The following CLCN7 variants were observed in gnomAD, a reference collection of about 807,000 sequenced individuals.
The protein encoded by CLCN7 is Cl-/H+ antiporter 7, also known as H(+)/Cl(-) exchange transporter 7.
In CLCN7, 60 loss-of-function variants were observed where a neutral mutation model predicts 102.1. That is an observed-to-expected ratio of 0.59 (90% CI 0.48 to 0.73). The LOEUF is 0.73. Ranked by LOEUF, CLCN7 falls within the 30% of genes least tolerant of loss-of-function variation. The pLI is 0.00. For missense variants in CLCN7, 962 were observed against 1,125.7 expected, an observed-to-expected ratio of 0.85 and a Z score of 2.08; for synonymous variants, 560 against 490.5, an observed-to-expected ratio of 1.14 and a Z score of -1.87.
chr16:1,461,721 A>G (rs2038941098), intron 2 of CLCN7, 47 bp from the exon 3 acceptor site: 2 of 1,495,912 alleles, frequency 1.3e-6, no homozygotes, highest in Admixed American at 1.7e-5. Context: ...ACAAGGCCAC[A>G]AGGAGAGAGG....
intron 12 of CLCN7, 85 bp from the exon 13 acceptor site, chr16:1,454,550 A>C: frequency 7.7e-7 from 1 of 1,303,166 alleles, no homozygotes; most frequent in Non-Finnish European, 1.1e-6. Flanking sequence ...CCACCATCTT[A>C]AGAGAGCTGT....
In CLCN7 at chr16:1,456,062, C is replaced by T. The variant is rs761917626; in HGVS notation, c.916+51G>A. ...GCCTACAGAGAGGAGACCGTTCCTTCCAACACACAGGGCGAGGGCAAAGCA... is the reference window on the plus strand; with the variant it reads ...GCCTACAGAGAGGAGACCGTTCCTTTCAACACACAGGGCGAGGGCAAAGCA... On this transcript the variant is annotated intron_variant, in intron 10 of 24. Transcript: ENST00000382745. 26 of 1,430,854 alleles carry T rather than the reference C, an allele frequency of 1.8e-5. No individual in the cohort carries two copies. In the African/African-American group the frequency reaches 3.5e-4, roughly 19 times the overall value. 88.6% of individuals were successfully genotyped at this position (1,430,854 alleles called of 1,614,324 possible).
rs757198557 is a variant in CLCN7 at position 1,453,854 on chromosome 16, C to G, written c.1194G>C (p.Trp398Cys). The G allele has an allele frequency of 6.2e-7, 1 of 1,613,422 alleles. No individual in the cohort carries two copies. Among genetic ancestry groups the G allele is most frequent in the African/African-American group, 1.3e-5 (1 of 75,078 alleles). ...LGAVFNALNYWLTMFRIRYIH... is the reference protein window; with the variant it reads ...LGAVFNALNYCLTMFRIRYIH... ...CTCACCTGATTCGAAACATGGTCAG[C>G]CAGTAGTTCAAGGCATTGAACACTG... is the stretch of plus-strand genomic sequence containing the variant. The change falls in exon 14 of 25, where the codon TGG becomes TGC. Residue 398 changes from tryptophan to cysteine, a missense_variant. Physicochemically the swap from Trp to Cys is radical, Grantham distance 215 (BLOSUM62 -2). Around this residue, in one of 2 missense-constraint regions of CLCN7, gnomAD observed 799 missense variants for 988.0 expected, o/e 0.81. Coordinates refer to ENST00000382745, the MANE Select transcript of CLCN7 (RefSeq NM_001287.6).
chr16:1,457,992 C>T lies in CLCN7; in HGVS notation c.676-236G>A, dbSNP rs991519344. 1.3e-5 allele frequency among the ~76,000 whole-genome samples: 2 copies of T among 152,206 alleles called. No homozygotes were observed. Among genetic ancestry groups the T allele is most frequent in the Admixed American group, 6.5e-5 (1 of 15,292 alleles). ...TGCCCTCTGTGGCCTCAGCACTGAG[C>T]AGGCAAGGGGTTCTTTCGTTTCCTT... On this transcript the variant is annotated intron_variant, in intron 7 of 24. Coordinates refer to ENST00000382745, the MANE Select transcript of CLCN7 (RefSeq NM_001287.6). The surrounding 1 kb of genome is among the most constrained non-coding windows in gnomAD (Gnocchi z 5.4).
chr16:1,459,231 A>T, intron 6 of CLCN7, 44 bp from the exon 7 acceptor site: 2 of 1,481,656 alleles, frequency 1.3e-6, no homozygotes, highest in Non-Finnish European at 1.8e-6. Context: ...GGCCAGGCTG[A>T]GACAGATGCA....
At chr16:1,463,218 A>C (rs942146731) in intron 2 of CLCN7, among the ~76,000 whole-genome samples, 1 of 152,238 alleles carries the variant, frequency 6.6e-6, no homozygotes, top group Admixed American at 6.5e-5. Flanking sequence ...TGAAAGACCT[A>C]AAACTGTAAA....
Position 1,468,067 on chromosome 16 carries a change from G to A in CLCN7, c.142-2729C>T, listed in dbSNP as rs528900378. ...CACTGCGCTCCAGCCTGGGCAACAC[G>A]GCAAGACCCTATCTCTAAAATTAAA... On this transcript the variant is annotated intron_variant, in intron 1 of 24. Coordinates refer to ENST00000382745, the MANE Select transcript of CLCN7 (RefSeq NM_001287.6). Among the ~76,000 whole-genome samples the A allele has an allele frequency of 5.9e-5, 9 of 152,046 alleles. No homozygotes were observed. The South Asian group carries it at 1.5e-3, about 25-fold the overall frequency.
intron 15 of CLCN7, chr16:1,452,379 G>A (rs962944368): frequency 1.7e-5 from 5 of 300,678 alleles, no homozygotes; most frequent in African/African-American, 2.1e-5. Context: ...GCAGATGGAC[G>A]CACGGACGGC....
At chr16:1,466,209 C>T (rs918536262) in intron 1 of CLCN7, among the ~76,000 whole-genome samples, 3 of 152,262 alleles carry the variant, frequency 2.0e-5, no homozygotes, top group Non-Finnish European at 2.9e-5. Flanking sequence ...AGGAGTCCAG[C>T]GGCTGGTACC....
Position 1,457,348 on chromosome 16 carries a change from G to C in CLCN7, c.739-11C>G. 2 of 1,612,630 alleles carry C rather than the reference G, an allele frequency of 1.2e-6. No individual in the cohort carries two copies. Among genetic ancestry groups the C allele is most frequent in the Non-Finnish European group, 1.7e-6 (2 of 1,179,270 alleles). On this transcript the variant is annotated splice_polypyrimidine_tract_variant and intron_variant, in intron 8 of 24. Transcript: ENST00000382745. This position sits in a 1 kb window ranked among gnomAD's most constrained non-coding sequence, Gnocchi z 5.4. ...GATCATCGGCCCTTCCTGGAGACCA[G>C]AAGGACCGGTGCTCAGAGACACGCG...
intron 13 of CLCN7, 121 bp downstream of exon 13, chr16:1,454,290 G>C (rs1464429893): frequency 1.0e-6 from 1 of 982,482 alleles, no homozygotes; most frequent in Admixed American, 1.9e-5. Flanking sequence ...GAGGCCCCCG[G>C]GTGGCCCTGG....
chr16:1,459,265 G>A (rs1340103197), intron 6 of CLCN7, 78 bp from the exon 7 acceptor site: 2 of 890,286 alleles, frequency 2.2e-6, no homozygotes, highest in Non-Finnish European at 3.2e-6. Flanking sequence ...AGGAGCCCCA[G>A]GAGCTGAGGA....
At chr16:1,455,567 G>T in intron 11 of CLCN7, 164 bp downstream of exon 11, 2 of 809,010 alleles carry the variant, frequency 2.5e-6, no homozygotes, top group Non-Finnish European at 4.1e-6. Context: ...GAACTGGGCA[G>T]CAAAGGCAGG....
rs566905813 is a variant in CLCN7 at position 1,456,031 on chromosome 16, C to T, written c.916+82G>A. The stretch of plus-strand genomic sequence containing the variant: ...CCAAGCCTCTGCCACCCTCAGCGGG[C>T]ACTGGGCCTACAGAGAGGAGACCGT... On this transcript the variant is annotated intron_variant, in intron 10 of 24. Transcript: ENST00000382745. The T allele has an allele frequency of 1.2e-5, 14 of 1,216,144 alleles. 2 individuals carry two copies. In the South Asian group the frequency reaches 1.7e-4, roughly 15 times the overall value. 75.3% of individuals were successfully genotyped at this position (1,216,144 alleles called of 1,614,324 possible). A position where few individuals can be genotyped will look rare whatever the true frequency, so the allele number is the denominator to read the frequency against.
Position 1,447,501 on chromosome 16 carries a change from G to A in CLCN7, c.2141C>T (p.Ala714Val), listed in dbSNP as rs1336593109. 3 of 1,554,078 alleles carry A rather than the reference G, an allele frequency of 1.9e-6. No homozygotes were observed. The highest frequency in any genetic ancestry group is 2.6e-6 in the Non-Finnish European group (3 of 1,149,192). The change falls in exon 23 of 25, where the codon GCC becomes GTC. Residue 714 changes from alanine to valine, a missense_variant. By Grantham distance (64) the Ala-to-Val change is moderately conservative (BLOSUM62 0). This residue lies in a region of CLCN7 where 799 missense variants were observed against 988.0 expected (regional missense o/e 0.81). Transcript: ENST00000382745. The part of the protein sequence containing the change: ...RRLRLKDFRD[A>V]YPRFPPIQSI... ...CTGGATGGGTGGGAAGCGCGGGTAG[G>A]CGTCTCGGAAGTCCTTCAGCCTCAG...
chr16:1,458,285 G>A (rs1244886805), intron 7 of CLCN7, among the ~76,000 whole-genome samples: 2 of 152,230 alleles, frequency 1.3e-5, no homozygotes, highest in African/African-American at 4.8e-5. Flanking sequence ...AACCCACAAG[G>A]GCGCAGACCC....
In CLCN7 at chr16:1,450,682, G is replaced by A. The variant is rs374428457; in HGVS notation, c.1448-16C>T. On this transcript the variant is annotated splice_polypyrimidine_tract_variant and intron_variant, in intron 16 of 24. Coordinates refer to ENST00000382745, the MANE Select transcript of CLCN7 (RefSeq NM_001287.6). ...TTGTAGGAGCCTAGGAGAGAAGAGG[G>A]GCTGACGGGGCCTCCACGACTCCCG... The A allele has an allele frequency of 4.5e-6, 7 of 1,557,072 alleles. No individual in the cohort carries two copies. The African/African-American group carries it at 7.3e-5, about 16-fold the overall frequency.
intron 19 of CLCN7, 100 bp from the exon 20 acceptor site, chr16:1,448,866 G>C (rs772933094): frequency 2.3e-5 from 36 of 1,597,842 alleles, no homozygotes; most frequent in African/African-American, 4.0e-5. Flanking sequence ...CAGAAACCCT[G>C]AGCCTACCCC....
chr16:1,453,803 C>G (rs1468871357), intron 14 of CLCN7, 31 bp downstream of exon 14: 3 of 1,610,622 alleles, frequency 1.9e-6, no homozygotes, highest in African/African-American at 2.7e-5. Context: ...CCACGCCTGC[C>G]AACGCGATAT....
Sources: gnomAD v4.1 joint callset for allele counts (sites outside exome capture counted in the v4.1 genomes callset) on GRCh38, gnomAD v4.1.1 for gene constraint, gnomAD v4.1.1 regional missense constraint, Gnocchi (gnomAD v3.1) non-coding constraint, MANE v1.5 for transcripts, NCBI Gene and HGNC (gene_info 2026-07-23, HGNC 2026-07-21) for gene names.